The following PRPF18 variants were observed in gnomAD, a reference collection of about 807,000 sequenced individuals.
PRPF18 encodes the protein pre-mRNA-splicing factor 18.
A neutral mutation model predicts 46.5 loss-of-function variants in PRPF18; 38 were observed. The ratio of observed to expected loss-of-function variants is 0.82; its 90% CI spans 0.63 to 1.07. The LOEUF is 1.07. PRPF18 is among the 50% of genes least tolerant of loss of function. The probability of loss-of-function intolerance (pLI) is 0.00; values close to 1 mark genes in which losing one functional copy is unlikely to be tolerated. For synonymous variants in PRPF18, 152 were observed against 146.7 expected (o/e 1.04, Z -0.26); for missense variants, 263 against 410.0 (o/e 0.64, Z 3.10).
chr10:13,599,567 T>C (rs2080077356), intron 2 of PRPF18, among the ~76,000 whole-genome samples: 8 of 152,162 alleles, frequency 5.3e-5, no homozygotes. Flanking sequence ...TGAGAAAATA[T>C]GTGAAGAGAT....
chr10:13,625,119 A>C (rs1346505410), intron 9 of PRPF18, among the ~76,000 whole-genome samples: 1 of 152,188 alleles, frequency 6.6e-6, no homozygotes. Flanking sequence ...GGGGTGCTTG[A>C]GACCGGGAGT....
intron 2 of PRPF18, 122 bp downstream of exon 2, chr10:13,597,657 A>G (rs569732047): frequency 1.2e-6 from 2 of 1,603,962 alleles, no homozygotes; most frequent in East Asian, 4.5e-5. Context: ...TATAAATGAG[A>G]AGCCATCTGG....
intron 9 of PRPF18, among the ~76,000 whole-genome samples, chr10:13,622,591 C>T (rs2080436015): frequency 6.6e-6 from 1 of 152,204 alleles, no homozygotes. Context: ...TAAACCCTTG[C>T]ACTGGAAACT....
chr10:13,588,457 G>T (rs1234545790), intron 1 of PRPF18, among the ~76,000 whole-genome samples: 1 of 151,284 alleles, frequency 6.6e-6, no homozygotes, highest in South Asian at 2.1e-4. Context: ...CGCGCGTCTA[G>T]TCCCGGCTGC....
chr10:13,603,256 A>G (rs912887677), intron 3 of PRPF18, among the ~76,000 whole-genome samples: 3 of 151,838 alleles, frequency 2.0e-5, no homozygotes, highest in Non-Finnish European at 4.4e-5. Flanking sequence ...AAGTTCTTTC[A>G]CTGATGTCCC....
chr10:13,587,023 G>T lies in PRPF18; in HGVS notation c.-64G>T. 2 of 1,545,338 alleles carry T rather than the reference G, an allele frequency of 1.3e-6. No individual in the cohort carries two copies. Among genetic ancestry groups the T allele is most frequent in the Non-Finnish European group, 1.8e-6 (2 of 1,117,442 alleles). On this transcript the variant is annotated 5_prime_UTR_variant, in exon 1 of 10. Transcript: ENST00000378572. ...TATACTCAGTGGGTTCGCGGCCGCC[G>T]GCCCAGTGAGGCTGGGTTCGAGGAG... is the stretch of plus-strand genomic sequence containing the variant.
At chr10:13,601,509 A>G (rs1031503837) in intron 3 of PRPF18, among the ~76,000 whole-genome samples, 2 of 152,162 alleles carry the variant, frequency 1.3e-5, no homozygotes, top group African/African-American at 4.8e-5. Context: ...CTGTGCCCCG[A>G]TCAGTCCTCC....
At chr10:13,639,877 TC>T in the PRPF18 span, 1 of 151,910 alleles carries the variant, frequency 6.6e-6, no homozygotes, top group African/African-American at 2.4e-5. Flanking sequence ...AGAAGGGAGC[TC>T]CCCCCTTCTA....
intron 1 of PRPF18, 172 bp downstream of exon 1, chr10:13,587,324 G>A (rs1337040561): frequency 1.5e-6 from 1 of 687,982 alleles, no homozygotes; most frequent in East Asian, 2.5e-5. Flanking sequence ...GCGTCTCACT[G>A]TTGAGGCTGG....
intron 4 of PRPF18, 53 bp from the exon 5 acceptor site, chr10:13,609,986 A>G: frequency 4.7e-6 from 7 of 1,489,128 alleles, no homozygotes; most frequent in Non-Finnish European, 6.4e-6. Context: ...AGGTGAAAAA[A>G]CAGGTGTTCT....
intron 9 of PRPF18, among the ~76,000 whole-genome samples, chr10:13,625,325 A>C (rs1231374618): frequency 6.6e-6 from 1 of 152,204 alleles, no homozygotes; most frequent in East Asian, 1.9e-4. Context: ...CAAAACAAAC[A>C]AAAAAATTCT....
intron 9 of PRPF18, among the ~76,000 whole-genome samples, chr10:13,622,225 T>C (rs576139136): frequency 6.6e-6 from 1 of 152,338 alleles, no homozygotes; most frequent in East Asian, 1.9e-4. Context: ...TCCTGGCATA[T>C]TAAAAGAGTA....
At chr10:13,645,887 C>G in the PRPF18 span, 2 of 152,528 alleles carry the variant, frequency 1.3e-5, no homozygotes, top group African/African-American at 2.4e-5. Flanking sequence ...AATGAAACAC[C>G]TTGTGCAAAA....
intron 6 of PRPF18, among the ~76,000 whole-genome samples, chr10:13,612,859 G>T (rs1443736912): frequency 6.6e-6 from 1 of 152,032 alleles, no homozygotes; most frequent in Non-Finnish European, 1.5e-5. Context: ...CTGACTTGCT[G>T]ATTCCAACCG....
the PRPF18 span, chr10:13,651,677 CAA>C: frequency 4.4e-5 from 24 of 543,456 alleles, no homozygotes; most frequent in African/African-American, 7.6e-5. Context: ...TGTCTCAAAA[CAA>C]AACATACTCT....
At chr10:13,618,686 A>G (rs2080381586) in intron 9 of PRPF18, among the ~76,000 whole-genome samples, 1 of 151,016 alleles carries the variant, frequency 6.6e-6, no homozygotes, top group Admixed American at 6.6e-5. Flanking sequence ...AATTTGTAGT[A>G]TGATATGGCC....
At chr10:13,653,552 G>T in the PRPF18 span, 1 of 152,270 alleles carries the variant, frequency 6.6e-6, no homozygotes, top group Non-Finnish European at 1.5e-5. Flanking sequence ...TTCTGGAATT[G>T]TGCTTTTCTC....
At chr10:13,632,304 G>A (rs2080597222), downstream of PRPF18, among the ~76,000 whole-genome samples, 1 of 152,154 alleles carries the variant, frequency 6.6e-6, no homozygotes, top group Non-Finnish European at 1.5e-5. Context: ...TCGTGCCACT[G>A]CACTCCAGCC....
Position 13,613,842 on chromosome 10 carries a change from G to A in PRPF18, c.681G>A (p.Glu227=). The A allele has an allele frequency of 6.2e-7, 1 of 1,613,792 alleles. No homozygotes were observed. The highest frequency in any genetic ancestry group is 1.3e-5 in the African/African-American group (1 of 75,032). ...KLNSATQKQT[E]SYLRPLFRKL... is the part of the protein sequence containing the mutation. ...ACAGTGCGACCCAGAAACAGACCGA[G>A]TCCTACCTAAGACCACTTTTTAGAA... The change falls in exon 7 of 10, where the codon GAG becomes GAA. Residue 227 remains glutamate, a synonymous_variant. Transcript: ENST00000378572.
Sources: allele counts gnomAD v4.1 joint callset (sites outside exome capture counted in the v4.1 genomes callset), GRCh38; gene constraint gnomAD v4.1.1; transcripts MANE v1.5; gene names NCBI Gene and HGNC (gene_info 2026-07-23, HGNC 2026-07-21).